CBLN2: variants seen among roughly 807,000 people sequenced by gnomAD.
CBLN2 encodes the protein cerebellin 2 precursor.
CBLN2 carries 7 observed loss-of-function variants against 15.0 expected under a neutral mutation model. That is an observed-to-expected ratio of 0.47 (90% CI 0.27 to 0.88). The LOEUF is 0.88. Among genes scored for constraint, CBLN2 ranks in the 40% least tolerant of loss-of-function variants. The pLI, the probability that CBLN2 is intolerant of heterozygous loss-of-function variation, is 0.14. For missense variants in CBLN2, 242 were observed against 304.5 expected (o/e 0.79, Z 1.53); for synonymous variants, 149 against 135.2 (o/e 1.10, Z -0.71).
At chr18:72,611,464 C>A (rs746249545) in intron 1 of CBLN2, among the ~76,000 whole-genome samples, 8 of 151,954 alleles carry the variant, frequency 5.3e-5, no homozygotes, top group African/African-American at 1.7e-4. Flanking sequence ...GGTATTTAAC[C>A]GTGGTTTTTA....
chr18:72,588,865 G>T (rs545509610), intron 1 of CBLN2, among the ~76,000 whole-genome samples: 4 of 152,196 alleles, frequency 2.6e-5, no homozygotes, highest in Non-Finnish European at 5.9e-5. Flanking sequence ...TAAGTACTTC[G>T]CTCAAGCTGG....
intron 3 of CBLN2, among the ~76,000 whole-genome samples, chr18:72,541,291 T>A (rs2069108975): frequency 6.6e-6 from 1 of 152,180 alleles, no homozygotes; most frequent in Non-Finnish European, 1.5e-5. Context: ...CTCACTTTTT[T>A]TTTTTTTAAG....
chr18:72,633,991 C>T (rs2069794968), intron 1 of CBLN2, among the ~76,000 whole-genome samples: 1 of 151,898 alleles, frequency 6.6e-6, no homozygotes, highest in Non-Finnish European at 1.5e-5. Context: ...CTCATGAATC[C>T]TGTTTTAGAG....
chr18:72,549,908 G>A (rs1598993454), intron 1 of CBLN2, among the ~76,000 whole-genome samples: 3 of 151,978 alleles, frequency 2.0e-5, no homozygotes, highest in Admixed American at 1.3e-4. Context: ...GTGTTTTTGT[G>A]AAAAAAATGA....
intron 1 of CBLN2, among the ~76,000 whole-genome samples, chr18:72,634,353 T>C (rs2069797845): frequency 6.6e-6 from 1 of 152,072 alleles, no homozygotes; most frequent in Non-Finnish European, 1.5e-5. Flanking sequence ...TTACTAACCT[T>C]TCTATTATGG....
chr18:72,627,368 G>A (rs2069746724), intron 1 of CBLN2, among the ~76,000 whole-genome samples: 1 of 152,172 alleles, frequency 6.6e-6, no homozygotes. Flanking sequence ...ATCTATATGA[G>A]GGCTTCATAA....
intron 1 of CBLN2, among the ~76,000 whole-genome samples, chr18:72,582,744 G>T (rs2069414344): frequency 6.6e-6 from 1 of 152,166 alleles, no homozygotes; most frequent in Non-Finnish European, 1.5e-5. Flanking sequence ...AAACAGATTG[G>T]AAAAGCAGTT....
At chr18:72,609,974 T>A (rs540567245) in intron 1 of CBLN2, among the ~76,000 whole-genome samples, 2 of 152,120 alleles carry the variant, frequency 1.3e-5, no homozygotes, top group Non-Finnish European at 2.9e-5. Context: ...CTCGCTGCCA[T>A]CCTGTGTGTA....
chr18:72,618,334 C>A, intron 1 of CBLN2: 5 of 466,732 alleles, frequency 1.1e-5, no homozygotes, highest in South Asian at 1.0e-4. Flanking sequence ...GGGTTGAGCT[C>A]TGAAACAACC....
At chr18:72,629,789 G>C (rs1043529186) in intron 1 of CBLN2, among the ~76,000 whole-genome samples, 2 of 151,994 alleles carry the variant, frequency 1.3e-5, no homozygotes, top group East Asian at 1.9e-4. Flanking sequence ...TTAAAGAACA[G>C]AAAAGACAAT....
At chr18:72,620,844 T>C (rs1475605234) in intron 1 of CBLN2, among the ~76,000 whole-genome samples, 4 of 152,240 alleles carry the variant, frequency 2.6e-5, no homozygotes, top group African/African-American at 9.6e-5. Context: ...CTAGGAAATC[T>C]GTCTTAAAAA....
upstream of CBLN2, among the ~76,000 whole-genome samples, chr18:72,549,294 G>A (rs1289235556): frequency 2.0e-5 from 3 of 152,210 alleles, no homozygotes; most frequent in Non-Finnish European, 2.9e-5. Flanking sequence ...TTACAGGCGT[G>A]AGCCAACGTG....
intron 1 of CBLN2, among the ~76,000 whole-genome samples, chr18:72,591,516 TC>T (rs1319131998): frequency 2.0e-5 from 3 of 152,148 alleles, no homozygotes; most frequent in Non-Finnish European, 2.9e-5. Flanking sequence ...CCAATTAAAC[TC>T]TTCCATTATT....
chr18:72,627,219 A>G (rs914528865), intron 1 of CBLN2, among the ~76,000 whole-genome samples: 7 of 152,256 alleles, frequency 4.6e-5, no homozygotes, highest in Middle Eastern at 3.2e-3. Flanking sequence ...AATCAATAGC[A>G]GAATGGATAA....
chr18:72,621,340 G>A (rs1182134644), intron 1 of CBLN2, among the ~76,000 whole-genome samples: 1 of 151,866 alleles, frequency 6.6e-6, no homozygotes, highest in Admixed American at 6.6e-5. Flanking sequence ...AATATTTTAC[G>A]TGATATTTTT....
In CBLN2 at chr18:72,541,816, G is replaced by A; in HGVS notation, c.345C>T (p.Ile115=). Residue 115 remains isoleucine, a synonymous_variant, in exon 3 of 5, where the codon ATC becomes ATT. Coordinates refer to ENST00000269503, the MANE Select transcript of CBLN2 (RefSeq NM_182511.4). ...GCCGACGGCTGACCTGGTCGAAATA[G>A]ATGGTCATGGTGCGGTTGCTCATCT... is the stretch of plus-strand genomic sequence containing the variant. The part of the protein sequence containing the change: ...PSEMSNRTMT[I]YFDQVLVNIG... The A allele has an allele frequency of 6.4e-7, 1 of 1,565,648 alleles. No homozygotes were observed. The highest frequency in any genetic ancestry group is 1.2e-5 in the South Asian group (1 of 86,276).
At chr18:72,554,189 T>G (rs2069209235) in intron 1 of CBLN2, among the ~76,000 whole-genome samples, 1 of 152,208 alleles carries the variant, frequency 6.6e-6, no homozygotes, top group Non-Finnish European at 1.5e-5. Context: ...CCCTTTTTTT[T>G]TGTTTTGGTT....
chr18:72,637,189 A>G (rs1345991569), intron 1 of CBLN2, among the ~76,000 whole-genome samples: 1 of 152,032 alleles, frequency 6.6e-6, no homozygotes, highest in Non-Finnish European at 1.5e-5. Flanking sequence ...TTTTCCGCAT[A>G]TGTTTCTATT....
intron 1 of CBLN2, among the ~76,000 whole-genome samples, chr18:72,580,167 C>A (rs1477273466): frequency 6.6e-6 from 1 of 151,784 alleles, no homozygotes; most frequent in Non-Finnish European, 1.5e-5. Flanking sequence ...AATGATATTT[C>A]TGATTTTTAT....
Sources: gnomAD v4.1 joint callset for allele counts (sites outside exome capture counted in the v4.1 genomes callset) on GRCh38, gnomAD v4.1.1 for gene constraint, MANE v1.5 for transcripts, NCBI Gene and HGNC (gene_info 2026-07-23, HGNC 2026-07-21) for gene names.